The following FADS2 variants were observed in gnomAD, a reference collection of about 807,000 sequenced individuals.
FADS2 encodes the protein fatty acid desaturase 2.
A neutral mutation model predicts 61.2 loss-of-function variants in FADS2; 18 were observed. The ratio of observed to expected loss-of-function variants is 0.29; its 90% CI spans 0.20 to 0.44. FADS2 has a LOEUF of 0.44. FADS2 is among the 20% of genes least tolerant of loss of function. The pLI, the probability that FADS2 is intolerant of heterozygous loss-of-function variation, is 1.00. For missense variants in FADS2, 322 were observed against 572.7 expected, an observed-to-expected ratio of 0.56 and a Z score of 4.47; for synonymous variants, 203 against 223.9, an observed-to-expected ratio of 0.91 and a Z score of 0.83.
Position 61,865,978 on chromosome 11 carries a change from G to A in FADS2, c.*289G>A. 2.0e-6 allele frequency: 1 copy of A among 505,868 alleles called. No individual in the cohort carries two copies. The highest frequency in any genetic ancestry group is 3.6e-5 in the South Asian group (1 of 27,414). 31.3% of individuals were successfully genotyped at this position (505,868 alleles called of 1,614,324 possible). On this transcript the variant is annotated 3_prime_UTR_variant, in exon 12 of 12. Transcript: ENST00000278840. This position sits in a 1 kb window ranked among gnomAD's most constrained non-coding sequence, Gnocchi z 4.1. ...AGCAGAGAGGTGGCCACCGGGGGTG[G>A]CTCTGTCCTACCTCCACTCTCTGCC...
At chr11:61,849,595 G>T (rs1006074652) in intron 5 of FADS2, among the ~76,000 whole-genome samples, 1 of 149,038 alleles carries the variant, frequency 6.7e-6, no homozygotes, top group Non-Finnish European at 1.5e-5. Context: ...TCTCAAAAAA[G>T]AAAAAAAAAG....
At position 61,835,372 on chromosome 11, in the gene FADS2, G is replaced by A. The variant is rs1166820736; in HGVS notation, c.208-2406G>A. Among the ~76,000 whole-genome samples the A allele has an allele frequency of 2.0e-5, 3 of 151,060 alleles. No homozygotes were observed. In the East Asian group the frequency reaches 5.9e-4, roughly 30 times the overall value. ...CTGAAAAGATTTCCAGGAGTGGTTA[G>A]CACTTTCTCCACCTTCCCCCGACCC... On this transcript the variant is annotated intron_variant, in intron 1 of 11. Coordinates refer to ENST00000278840, the MANE Select transcript of FADS2 (RefSeq NM_004265.4).
chr11:61,848,051 C>G (rs1256026837), intron 4 of FADS2, 108 bp from the exon 5 acceptor site: 1 of 1,372,410 alleles, frequency 7.3e-7, no homozygotes, highest in Non-Finnish European at 1.0e-6. Flanking sequence ...GAAGTGCTAT[C>G]CCCGAGGGTT....
chr11:61,817,859 A>G (rs554021802), intron 1 of FADS2, among the ~76,000 whole-genome samples: 4 of 152,366 alleles, frequency 2.6e-5, no homozygotes, highest in Non-Finnish European at 5.9e-5. Flanking sequence ...ACTGTGTGCC[A>G]GGCACTGTTC....
chr11:61,850,225 G>A (rs1020637535), intron 5 of FADS2, among the ~76,000 whole-genome samples: 1 of 151,894 alleles, frequency 6.6e-6, no homozygotes, highest in Non-Finnish European at 1.5e-5. Flanking sequence ...TTGAGTGTCA[G>A]TAGTTCATAA....
In FADS2 at chr11:61,857,016, CAAG is replaced by C. The variant is rs1565335769; in HGVS notation, c.757_759del (p.Lys253del). On this transcript the variant is annotated inframe_deletion, in exon 6 of 12. Coordinates refer to ENST00000278840, the MANE Select transcript of FADS2 (RefSeq NM_004265.4). ...GATCTCTCCTCTCTCCTCAGTACGG[CAAG>C]AAGAAGCTGAAATACCTGCCCTACA... 3 of 1,613,790 alleles carry C rather than the reference CAAG, an allele frequency of 1.9e-6. No individual in the cohort carries two copies. Among genetic ancestry groups the C allele is most frequent in the Non-Finnish European group, 1.7e-6 (2 of 1,179,796 alleles).
intron 4 of FADS2, among the ~76,000 whole-genome samples, chr11:61,844,924 CAAAAAAA>C (rs1172843122): frequency 3.2e-5 from 2 of 62,672 alleles, no homozygotes; most frequent in East Asian, 4.1e-4. Flanking sequence ...GACTCCGTCT[CAAAAAAA>C]AAAAAGAAAA....
At position 61,816,817 on chromosome 11, in the gene FADS2, G is replaced by T; in HGVS notation, c.141+391G>T. 1 of 1,494,068 alleles carries T rather than the reference G, an allele frequency of 6.7e-7. No individual in the cohort carries two copies. The highest frequency in any genetic ancestry group is 1.3e-5 in the South Asian group (1 of 78,172). The allele number at this position is 1,494,068 out of a possible 1,614,324, so 92.6% of individuals were successfully genotyped here. Reference sequence around the variant, plus strand: ...AGGGGCTGTCAGGCGCGTGCTCGGGGTCCGCGGGCTCCAGGAGTGGATTTG... The same window carrying T: ...AGGGGCTGTCAGGCGCGTGCTCGGGTTCCGCGGGCTCCAGGAGTGGATTTG... On this transcript the variant is annotated intron_variant, in intron 1 of 11. Coordinates refer to the FADS2 transcript ENST00000257261. This position sits in a 1 kb window ranked among gnomAD's most constrained non-coding sequence, Gnocchi z 7.0.
At chr11:61,824,395 AGAGAG>A (rs2067054219), upstream of FADS2, among the ~76,000 whole-genome samples, 3 of 2,358 alleles carry the variant, frequency 1.3e-3, no homozygotes, top group African/African-American at 4.1e-3. Context: ...GGAAAAAAAA[AGAGAG>A]AGAGAGAGAG....
intron 4 of FADS2, among the ~76,000 whole-genome samples, chr11:61,842,221 C>T (rs1198744288): frequency 6.6e-6 from 1 of 152,222 alleles, no homozygotes; most frequent in Non-Finnish European, 1.5e-5. Flanking sequence ...TGGCCAACCA[C>T]CCCTGAGCTG....
intron 6 of FADS2, 84 bp downstream of exon 6, chr11:61,857,155 T>A (rs1184221955): frequency 1.7e-6 from 2 of 1,196,106 alleles, no homozygotes; most frequent in East Asian, 4.7e-5. Flanking sequence ...CTGACATCTT[T>A]TTCAGATCCA....
intron 5 of FADS2, chr11:61,848,993 T>A (rs1296353176): frequency 6.6e-6 from 1 of 152,258 alleles, no homozygotes; most frequent in African/African-American, 2.4e-5. Flanking sequence ...CTCCGCCTCC[T>A]GGGTTCAAGC....
At chr11:61,848,647 C>G in intron 5 of FADS2, 1 of 187,384 alleles carries the variant, frequency 5.3e-6, no homozygotes, top group East Asian at 1.4e-4. Context: ...ACCCTTAGGC[C>G]AGGAAGGGCA....
At chr11:61,853,267 C>A in intron 5 of FADS2, among the ~76,000 whole-genome samples, 1 of 115,178 alleles carries the variant, frequency 8.7e-6, no homozygotes, top group Admixed American at 8.3e-5. Flanking sequence ...CTTTCTCTCC[C>A]TCCCTCCCTT....
At position 61,828,778 on chromosome 11, in the gene FADS2, C is replaced by A; in HGVS notation, c.207+181C>A. On this transcript the variant is annotated intron_variant, in intron 1 of 11. Transcript: ENST00000278840. This position sits in a 1 kb window ranked among gnomAD's most constrained non-coding sequence, Gnocchi z 6.4. Reference sequence around the variant, plus strand: ...CAATCCTCCTCCTCCTCTGGGCCGACTGGGGTGGAGACCGGATCTGGGACC... The same window carrying A: ...CAATCCTCCTCCTCCTCTGGGCCGAATGGGGTGGAGACCGGATCTGGGACC... The A allele has an allele frequency of 1.7e-6, 1 of 596,636 alleles. No individual in the cohort carries two copies. The highest frequency in any genetic ancestry group is 2.9e-6 in the Non-Finnish European group (1 of 343,470). 37.0% of individuals were successfully genotyped at this position (596,636 alleles called of 1,614,324 possible).
At chr11:61,834,557 G>A (rs1591166755) in intron 1 of FADS2, among the ~76,000 whole-genome samples, 1 of 152,206 alleles carries the variant, frequency 6.6e-6, no homozygotes, top group Admixed American at 6.5e-5. Flanking sequence ...GGCAGGGCTC[G>A]TCATCTGTCT....
In FADS2 at chr11:61,837,813, C is replaced by T. The variant is rs377238578; in HGVS notation, c.243C>T (p.Phe81=). The T allele has an allele frequency of 2.5e-5, 40 of 1,613,614 alleles. No homozygotes were observed. The African/African-American group carries it at 4.5e-4, about 18-fold the overall frequency. The part of the protein sequence containing the change: ...AFRAFHPDLE[F]VGKFLKPLLI... ...GCGCCTTCCACCCTGACCTGGAATTCGTGGGCAAGTTCTTGAAACCCCTGC... is the reference window on the plus strand; with the variant it reads ...GCGCCTTCCACCCTGACCTGGAATTTGTGGGCAAGTTCTTGAAACCCCTGC... The change falls in exon 2 of 12, where the codon TTC becomes TTT. Residue 81 remains phenylalanine, a synonymous_variant. Coordinates refer to ENST00000278840, the MANE Select transcript of FADS2 (RefSeq NM_004265.4).
At chr11:61,838,997 T>C (rs2067196909) in intron 2 of FADS2, among the ~76,000 whole-genome samples, 1 of 152,126 alleles carries the variant, frequency 6.6e-6, no homozygotes, top group Non-Finnish European at 1.5e-5. Flanking sequence ...GAACCACCCT[T>C]CATAGCACCT....
chr11:61,827,467 G>A (rs2067093962), upstream of FADS2: 1 of 152,306 alleles, frequency 6.6e-6, no homozygotes, highest in African/African-American at 2.4e-5. The surrounding 1 kb of genome is among the most constrained non-coding windows in gnomAD (Gnocchi z 4.5). Context: ...TCTGACTAGA[G>A]GGTTCAAAGC....
Sources: gnomAD v4.1 joint callset for allele counts (sites outside exome capture counted in the v4.1 genomes callset) on GRCh38, gnomAD v4.1.1 for gene constraint, Gnocchi (gnomAD v3.1) non-coding constraint, MANE v1.5 for transcripts, NCBI Gene and HGNC (gene_info 2026-07-23, HGNC 2026-07-21) for gene names.